Variants in UNC50 observed in about 807,000 individuals in gnomAD.
The protein encoded by UNC50 is unc-50 inner nuclear membrane RNA binding protein.
In UNC50, 24 loss-of-function variants were observed where a neutral mutation model predicts 31.5. That is an observed-to-expected ratio of 0.76 (90% confidence interval 0.55 to 1.07). The LOEUF is 1.07. UNC50 is among the 50% of genes least tolerant of loss of function. The pLI is 0.00. For synonymous variants in UNC50, 118 were observed against 114.7 expected (o/e 1.03, Z -0.18); for missense variants, 245 against 304.2 (o/e 0.81, Z 1.45).
chr2:98,611,023 C>A, intron 3 of UNC50, 128 bp downstream of exon 3: 1 of 1,130,644 alleles, frequency 8.8e-7, no homozygotes, highest in South Asian at 2.1e-5. Flanking sequence ...TTTTGACTGC[C>A]AAGATTATTA....
intron 3 of UNC50, among the ~76,000 whole-genome samples, chr2:98,614,900 A>G (rs543770790): frequency 5.1e-4 from 78 of 152,358 alleles, no homozygotes; most frequent in South Asian, 1.0e-3. Flanking sequence ...CCAGTGACGG[A>G]ATAGCGTATT....
At position 98,617,193 on chromosome 2, in the gene UNC50, A is replaced by G. The variant is rs554331110; in HGVS notation, c.643+660A>G. 2.5e-4 allele frequency among the ~76,000 whole-genome samples: 38 copies of G among 152,282 alleles called. No individual in the cohort carries two copies. The South Asian group carries it at 7.7e-3, about 31-fold the overall frequency. ...GAAATGATCCCATTAAATAAAGCCA[A>G]ATAAAATCTAGAGACTGCGCTGTAC... On this transcript the variant is annotated intron_variant, in intron 5 of 5. Coordinates refer to ENST00000357765, the MANE Select transcript of UNC50 (RefSeq NM_014044.7).
At position 98,616,640 on chromosome 2, in the gene UNC50, TAAGTA is replaced by T. The variant is rs1482516499; in HGVS notation, c.643+108_643+112del. Reference sequence around the variant, plus strand: ...TATGGAACACTTACAGGCACTATCCTAAGTATTTTATGTGCATTATCTCATTTAAT... The same window carrying T: ...TATGGAACACTTACAGGCACTATCCTTTTTATGTGCATTATCTCATTTAAT... On this transcript the variant is annotated intron_variant, in intron 5 of 5. Transcript: ENST00000357765. The T allele has an allele frequency of 4.9e-4, 393 of 799,300 alleles. 2 individuals are homozygous for T. Among genetic ancestry groups the T allele is most frequent in the Non-Finnish European group, 2.8e-5 (14 of 494,570 alleles). 49.5% of individuals were successfully genotyped at this position (799,300 alleles called of 1,614,324 possible).
Position 98,609,808 on chromosome 2 carries a change from T to A in UNC50, c.49T>A (p.Leu17Met), listed in dbSNP as rs1700792513. ...VNSLVQGNGV[L>M]NSRDAARHTA... ...TTCCTTAGTGCAGGGGAACGGAGTC[T>A]TGAATTCCAGGGATGCGGCAAGACA... is the stretch of plus-strand genomic sequence containing the variant. The change falls in exon 2 of 6, where the codon TTG (leucine) becomes ATG (methionine). Residue 17 changes from leucine to methionine, a missense_variant. By Grantham distance (15) the Leu-to-Met change is conservative. Coordinates refer to ENST00000357765, the MANE Select transcript of UNC50 (RefSeq NM_014044.7). 12 of 1,614,222 alleles carry A rather than the reference T, an allele frequency of 7.4e-6. No homozygotes were observed. Among genetic ancestry groups the A allele is most frequent in the Non-Finnish European group, 1.0e-5 (12 of 1,180,040 alleles).
intron 5 of UNC50, among the ~76,000 whole-genome samples, chr2:98,617,781 C>T (rs1003854478): frequency 2.6e-5 from 4 of 152,168 alleles, no homozygotes; most frequent in South Asian, 4.1e-4. Flanking sequence ...TTTCCTATAA[C>T]GCCATCCATC....
chr2:98,618,398 A>ATATCT lies in UNC50; in HGVS notation c.*97_*101dup. On this transcript the variant is annotated 3_prime_UTR_variant, in exon 6 of 6. Transcript: ENST00000357765. ...TGTAAATAAACTATCATCTTTGTAG[A>ATATCT]TATCTTAAAGGTGTAAAGTTTGCAA... The ATATCT allele has an allele frequency of 7.2e-7, 1 of 1,379,406 alleles. No homozygotes were observed. Among genetic ancestry groups the ATATCT allele is most frequent in the African/African-American group, 1.5e-5 (1 of 68,168 alleles). The allele number at this position is 1,379,406 out of a possible 1,614,324, so 85.4% of individuals were successfully genotyped here.
intron 2 of UNC50, among the ~76,000 whole-genome samples, chr2:98,610,317 G>A (rs1427687971): frequency 1.3e-5 from 2 of 152,134 alleles, no homozygotes; most frequent in Admixed American, 6.5e-5. Context: ...AATGTCAGCT[G>A]ACTGTGAATA....
At chr2:98,617,501 T>A (rs985846899) in intron 5 of UNC50, among the ~76,000 whole-genome samples, 1 of 152,190 alleles carries the variant, frequency 6.6e-6, no homozygotes, top group Non-Finnish European at 1.5e-5. Context: ...ATTTGAACAC[T>A]CCTGGTAACG....
chr2:98,611,968 G>A (rs895899711), intron 3 of UNC50, among the ~76,000 whole-genome samples: 37 of 100,112 alleles, frequency 3.7e-4, no homozygotes, highest in African/African-American at 1.2e-3. Flanking sequence ...CACACCCTCC[G>A]CCCCCCCCGC....
chr2:98,610,605 A>C (rs922087676), intron 2 of UNC50, among the ~76,000 whole-genome samples, 170 bp from the exon 3 acceptor site: 1 of 151,090 alleles, frequency 6.6e-6, no homozygotes, highest in Admixed American at 6.6e-5. Context: ...GGAAACTTCA[A>C]CTCTCTCAGT....
intron 3 of UNC50, among the ~76,000 whole-genome samples, chr2:98,613,609 A>C (rs1010606706): frequency 6.6e-6 from 1 of 152,130 alleles, no homozygotes; most frequent in East Asian, 1.9e-4. Flanking sequence ...GCATGGGGGA[A>C]ATTACGTCCA....
Position 98,618,408 on chromosome 2 carries a change from G to T in UNC50, c.*104G>T. 1.5e-6 allele frequency: 2 copies of T among 1,296,206 alleles called. No homozygotes were observed. Among genetic ancestry groups the T allele is most frequent in the Non-Finnish European group, 1.0e-6 (1 of 996,122 alleles). The allele number at this position is 1,296,206 out of a possible 1,614,324, so 80.3% of individuals were successfully genotyped here. On this transcript the variant is annotated 3_prime_UTR_variant, in exon 6 of 6. Coordinates refer to ENST00000357765, the MANE Select transcript of UNC50 (RefSeq NM_014044.7). ...CTATCATCTTTGTAGATATCTTAAA[G>T]GTGTAAAGTTTGCAAATTTGAAGAA... is the stretch of plus-strand genomic sequence containing the variant.
rs1265488807 is a variant in UNC50, at chr2:98,618,441, T to G, written c.*137T>G. The G allele has an allele frequency of 1.3e-6, 1 of 797,806 alleles. No homozygotes were observed. The highest frequency in any genetic ancestry group is 3.1e-5 in the East Asian group (1 of 32,486). 49.4% of individuals were successfully genotyped at this position (797,806 alleles called of 1,614,324 possible). A position where few individuals can be genotyped will look rare whatever the true frequency, so the allele number is the denominator to read the frequency against. The stretch of plus-strand genomic sequence containing the variant: ...GTTTGCAAATTTGAAGAAATATATA[T>G]TAACACTGTGGTCAGGTACATTCCT... On this transcript the variant is annotated 3_prime_UTR_variant, in exon 6 of 6. Coordinates refer to ENST00000357765, the MANE Select transcript of UNC50 (RefSeq NM_014044.7).
chr2:98,614,779 CTGTCTT>C (rs996707431), intron 3 of UNC50, among the ~76,000 whole-genome samples: 3 of 152,210 alleles, frequency 2.0e-5, no homozygotes, highest in African/African-American at 7.2e-5. Context: ...AAAAAGGAAA[CTGTCTT>C]GGTAAGCTCT....
chr2:98,614,065 A>C (rs546351010), intron 3 of UNC50, among the ~76,000 whole-genome samples: 1 of 152,200 alleles, frequency 6.6e-6, no homozygotes, highest in African/African-American at 2.4e-5. Flanking sequence ...ATTGGACTTT[A>C]TCTCATAGAC....
chr2:98,617,455 G>A (rs764314329), intron 5 of UNC50, among the ~76,000 whole-genome samples: 6 of 152,176 alleles, frequency 3.9e-5, no homozygotes, highest in Non-Finnish European at 8.8e-5. Context: ...GTTTTGTGAT[G>A]AGAACACTGC....
At chr2:98,613,991 A>G (rs896391604) in intron 3 of UNC50, among the ~76,000 whole-genome samples, 2 of 152,310 alleles carry the variant, frequency 1.3e-5, no homozygotes, top group South Asian at 2.1e-4. Context: ...GCATAGGGTG[A>G]CACCGAGTCA....
At chr2:98,612,138 G>A (rs545125380) in intron 3 of UNC50, among the ~76,000 whole-genome samples, 6 of 152,282 alleles carry the variant, frequency 3.9e-5, no homozygotes, top group African/African-American at 9.6e-5. Context: ...TGTGGCTAGC[G>A]ATCTCAGTAG....
intron 2 of UNC50, among the ~76,000 whole-genome samples, chr2:98,610,544 T>TA (rs1212273776): frequency 1.3e-5 from 2 of 152,204 alleles, no homozygotes; most frequent in African/African-American, 4.8e-5. Flanking sequence ...ACACTGGCGT[T>TA]CTAAATACTG....
Sources: allele counts gnomAD v4.1 joint callset (sites outside exome capture counted in the v4.1 genomes callset), GRCh38; gene constraint gnomAD v4.1.1; transcripts MANE v1.5; gene names NCBI Gene and HGNC (gene_info 2026-07-23, HGNC 2026-07-21).